Variants in PPP3CA observed in about 807,000 individuals in gnomAD.
PPP3CA encodes the protein CAM-PRP catalytic subunit.
In PPP3CA, 14 loss-of-function variants were observed where a neutral mutation model predicts 66.5. The observed-to-expected ratio is 0.21, with a 90% CI of 0.14 to 0.33. The LOEUF is 0.33. Ranked by LOEUF, PPP3CA falls within the 10% of genes least tolerant of loss-of-function variation. The pLI is 1.00. For missense variants in PPP3CA, 317 were observed against 639.5 expected (o/e 0.50, Z 5.44); for synonymous variants, 232 against 226.2 (o/e 1.03, Z -0.23).
Position 101,025,905 on chromosome 4 carries a change from C to A in PPP3CA, c.1526G>T (p.Gly509Val). The change falls in exon 14 of 14, where the codon GGC (glycine) becomes GTC (valine). Residue 509 changes from glycine to valine, a missense_variant. This residue lies in a region of PPP3CA where 40 missense variants were observed against 38.6 expected (regional missense o/e 1.04). Coordinates refer to ENST00000394854, the MANE Select transcript of PPP3CA (RefSeq NM_000944.5). ...INKALTSETN[G>V]TDSNGSNSSN... ...GCTATTACTGCCATTGCTGTCCGTGCCGTTAGTCTCTGAGGTGAGAGCCTT... is the reference window on the plus strand; with the variant it reads ...GCTATTACTGCCATTGCTGTCCGTGACGTTAGTCTCTGAGGTGAGAGCCTT... The A allele has an allele frequency of 6.2e-7, 1 of 1,609,000 alleles. No homozygotes were observed. The highest frequency in any genetic ancestry group is 8.5e-7 in the Non-Finnish European group (1 of 1,178,286).
chr4:101,102,670 G>T (rs1478176003), intron 3 of PPP3CA, among the ~76,000 whole-genome samples: 2 of 152,060 alleles, frequency 1.3e-5, no homozygotes, highest in Non-Finnish European at 2.9e-5. Flanking sequence ...AAGATCTTCA[G>T]CAAATCATAA....
chr4:101,139,465 T>TCAG, intron 2 of PPP3CA, among the ~76,000 whole-genome samples: 1 of 152,244 alleles, frequency 6.6e-6, no homozygotes, highest in South Asian at 2.1e-4. Context: ...ATGCAGACAT[T>TCAG]CAGAAGACAA....
chr4:101,209,505 A>C (rs1725237249), intron 1 of PPP3CA, among the ~76,000 whole-genome samples: 1 of 152,222 alleles, frequency 6.6e-6, no homozygotes, highest in Non-Finnish European at 1.5e-5. Context: ...GAAAGAAAAA[A>C]GTATGTCCTA....
intron 1 of PPP3CA, among the ~76,000 whole-genome samples, chr4:101,306,199 G>A (rs1168866020): frequency 1.3e-5 from 2 of 152,156 alleles, no homozygotes; most frequent in African/African-American, 4.8e-5. Context: ...TTAGTTGGCT[G>A]TCATTAATCT....
intron 1 of PPP3CA, among the ~76,000 whole-genome samples, chr4:101,298,339 G>GATATATATATATATATATATAT (rs3078022): frequency 7.0e-6 from 1 of 143,782 alleles, no homozygotes; most frequent in African/African-American, 2.6e-5. Context: ...CAAGCAGGGA[G>GATATATATATATATATATATAT]ATATATATAT....
At chr4:101,110,640 GAA>G (rs1240237819) in intron 2 of PPP3CA, among the ~76,000 whole-genome samples, 1 of 152,038 alleles carries the variant, frequency 6.6e-6, no homozygotes, top group Non-Finnish European at 1.5e-5. Context: ...TTCCATTTTT[GAA>G]AAAATATGTT....
At chr4:101,159,919 A>G (rs1466737277) in intron 2 of PPP3CA, among the ~76,000 whole-genome samples, 1 of 152,146 alleles carries the variant, frequency 6.6e-6, no homozygotes, top group Non-Finnish European at 1.5e-5. Context: ...TGGAAGCAGT[A>G]TTCAGTATTA....
At chr4:101,285,725 C>T (rs1200734349) in intron 1 of PPP3CA, among the ~76,000 whole-genome samples, 1 of 151,572 alleles carries the variant, frequency 6.6e-6, no homozygotes, top group Non-Finnish European at 1.5e-5. Context: ...TCAAGCACGA[C>T]CCACAAAGTC....
At chr4:101,212,627 G>A (rs1725332074) in intron 1 of PPP3CA, among the ~76,000 whole-genome samples, 1 of 151,828 alleles carries the variant, frequency 6.6e-6, no homozygotes, top group African/African-American at 2.4e-5. Flanking sequence ...AAAAGTTGAA[G>A]GGGGAAAAAA....
chr4:101,291,398 C>T (rs1728019856), intron 1 of PPP3CA, among the ~76,000 whole-genome samples: 1 of 152,094 alleles, frequency 6.6e-6, no homozygotes, highest in Non-Finnish European at 1.5e-5. Flanking sequence ...GATTGCCTTC[C>T]CAACACATGG....
intron 6 of PPP3CA, among the ~76,000 whole-genome samples, chr4:101,093,477 T>C (rs751290260): frequency 6.6e-6 from 1 of 152,106 alleles, no homozygotes; most frequent in Non-Finnish European, 1.5e-5. Context: ...ATAACTTCTA[T>C]ATGCACTGGG....
rs540973518 is a variant in PPP3CA at position 101,151,893 on chromosome 4, T to A, written c.260-42815A>T. On this transcript the variant is annotated intron_variant, in intron 2 of 13. Transcript: ENST00000394854. ...GGATGATCTTGATCTCCTGACCTCA[T>A]GATTTGCCTGCCTTGGCCTCCCAAA... Among the ~76,000 whole-genome samples, 411 of 152,134 alleles carry A rather than the reference T, an allele frequency of 2.7e-3. 4 individuals carry two copies. The highest frequency in any genetic ancestry group is 9.5e-3 in the African/African-American group (394 of 41,518).
At chr4:101,077,661 C>A (rs746707407) in intron 8 of PPP3CA, among the ~76,000 whole-genome samples, 1 of 152,030 alleles carries the variant, frequency 6.6e-6, no homozygotes, top group East Asian at 1.9e-4. Context: ...TTTCTCTTCC[C>A]TATCAGTTTA....
At chr4:101,146,590 G>A (rs950112811) in intron 2 of PPP3CA, among the ~76,000 whole-genome samples, 4 of 151,890 alleles carry the variant, frequency 2.6e-5, no homozygotes, top group South Asian at 2.1e-4. Context: ...CTACAGGTGC[G>A]CACCACCACG....
intron 6 of PPP3CA, among the ~76,000 whole-genome samples, chr4:101,092,012 A>G (rs1263527865): frequency 6.6e-6 from 1 of 152,056 alleles, no homozygotes; most frequent in African/African-American, 2.4e-5. Context: ...AAGAGACTTT[A>G]GTGAAACTGA....
chr4:101,118,993 A>T (rs1266075241), intron 2 of PPP3CA, among the ~76,000 whole-genome samples: 1 of 149,480 alleles, frequency 6.7e-6, no homozygotes, highest in Non-Finnish European at 1.5e-5. Flanking sequence ...CAATGAAGCA[A>T]GCAATGTAAG....
intron 6 of PPP3CA, among the ~76,000 whole-genome samples, chr4:101,083,573 C>A (rs74843879): frequency 0.023 from 3,541 of 152,260 alleles, 158 homozygotes; most frequent in African/African-American, 0.08. Flanking sequence ...CATTTAAAGA[C>A]AAAGTGAACG....
chr4:101,213,139 T>A (rs1725351303), intron 1 of PPP3CA, among the ~76,000 whole-genome samples: 1 of 152,168 alleles, frequency 6.6e-6, no homozygotes, highest in Non-Finnish European at 1.5e-5. Flanking sequence ...TCAGTAAAAC[T>A]AGCCAGAAAT....
At chr4:101,244,662 G>A (rs969871818) in intron 1 of PPP3CA, among the ~76,000 whole-genome samples, 3 of 152,152 alleles carry the variant, frequency 2.0e-5, no homozygotes, top group African/African-American at 7.2e-5. Flanking sequence ...ACAACATACA[G>A]AATAGATCTG....
Sources: allele counts gnomAD v4.1 joint callset (sites outside exome capture counted in the v4.1 genomes callset), GRCh38; gene constraint gnomAD v4.1.1; regional missense constraint gnomAD v4.1.1; transcripts MANE v1.5; gene names NCBI Gene and HGNC (gene_info 2026-07-23, HGNC 2026-07-21).